NLRP2: variants seen among roughly 807,000 people sequenced by gnomAD.
NLRP2 encodes the protein NLR family pyrin domain containing 2.
NLRP2 carries 107 observed loss-of-function variants against 97.2 expected under a neutral mutation model. That is an observed-to-expected ratio of 1.10 (90% CI 0.94 to 1.29). The LOEUF (loss-of-function observed/expected upper bound fraction) is 1.29, where lower values mean the gene tolerates loss of function less well. Ranked by LOEUF, NLRP2 falls within the 50% of genes most tolerant of loss-of-function variation. The probability of loss-of-function intolerance (pLI) is 0.00; values close to 1 mark genes in which losing one functional copy is unlikely to be tolerated. For missense variants in NLRP2, 1,495 were observed against 1,330.3 expected, an observed-to-expected ratio of 1.12 and a Z score of -1.93; for synonymous variants, 663 against 551.5, an observed-to-expected ratio of 1.20 and a Z score of -2.83.
chr19:54,984,329 G>GTGTGTTGTTTTTTTTTT, intron 6 of NLRP2, among the ~76,000 whole-genome samples: 2 of 79,670 alleles, frequency 2.5e-5, no homozygotes, highest in Non-Finnish European at 5.0e-5. Context: ...TTTTTTTTGT[G>GTGTGTTGTTTTTTTTTT]TTTTTTTTTT....
Position 54,977,955 on chromosome 19 carries a change from T to C in NLRP2, c.397+132T>C, listed in dbSNP as rs1315806456. 29 of 838,546 alleles carry C rather than the reference T, an allele frequency of 3.5e-5. No homozygotes were observed. The East Asian group carries it at 7.6e-4, about 22-fold the overall frequency. 51.9% of individuals were successfully genotyped at this position (838,546 alleles called of 1,614,324 possible). On this transcript the variant is annotated intron_variant, in intron 4 of 12. Coordinates refer to ENST00000448584, the MANE Select transcript of NLRP2 (RefSeq NM_017852.5). ...CACTATTCTTAATGTGCCCACTGTC[T>C]CCTGGAGAATGCCAACCTCCCTTCC...
intron 8 of NLRP2, among the ~76,000 whole-genome samples, chr19:54,988,488 G>A (rs2146489121): frequency 6.6e-6 from 1 of 152,100 alleles, no homozygotes; most frequent in African/African-American, 2.4e-5. Context: ...AGTAGAGACA[G>A]GGTTACGCCA....
Position 54,983,428 on chromosome 19 carries a change from T to C in NLRP2, c.1730T>C (p.Met577Thr). 6.2e-7 allele frequency: 1 copy of C among 1,614,200 alleles called. No homozygotes were observed. Among genetic ancestry groups the C allele is most frequent in the Non-Finnish European group, 8.5e-7 (1 of 1,180,048 alleles). ...KELEATFGCR[M>T]SPDIKQELLR... Reference sequence around the variant, plus strand: ...TTGGAGGCCACTTTTGGCTGCCGGATGTCACCGGACATCAAACAGGAATTG... The same window carrying C: ...TTGGAGGCCACTTTTGGCTGCCGGACGTCACCGGACATCAAACAGGAATTG... The change falls in exon 6 of 13, where the codon ATG becomes ACG. Residue 577 changes from methionine (M) to threonine (T), a missense_variant. Met to Thr is a moderately conservative substitution (Grantham distance 81, BLOSUM62 -1). Coordinates refer to ENST00000448584, the MANE Select transcript of NLRP2 (RefSeq NM_017852.5).
rs1157138794 is a variant in NLRP2, at chr19:55,000,270, C to CTTTT, written c.3051-454_3051-451dup. The stretch of plus-strand genomic sequence containing the variant: ...CCAGCTTGGGCAACAGAGAGACTGT[C>CTTTT]TTTTTTTTTTTTTTTTTTTTTTTTT... On this transcript the variant is annotated intron_variant, in intron 12 of 12. Transcript: ENST00000448584. 2.5e-3 allele frequency among the ~76,000 whole-genome samples: 89 copies of CTTTT among 36,026 alleles called. 28 individuals are homozygous for CTTTT. Among genetic ancestry groups the CTTTT allele is most frequent in the African/African-American group, 3.2e-3 (29 of 9,048 alleles). 23.6% of individuals were successfully genotyped at this position (36,026 alleles called of 152,430 possible).
chr19:55,000,393 C>T (rs1467209188), intron 12 of NLRP2, among the ~76,000 whole-genome samples: 4 of 143,344 alleles, frequency 2.8e-5, no homozygotes, highest in African/African-American at 1.0e-4. Context: ...TCTCCTGCCT[C>T]AGCCTCCTGA....
intron 2 of NLRP2, among the ~76,000 whole-genome samples, chr19:54,972,031 A>G (rs1187043911): frequency 2.2e-5 from 3 of 136,828 alleles, no homozygotes; most frequent in Non-Finnish European, 3.1e-5. Flanking sequence ...CTAAATAGAG[A>G]TGGGGTTTCA....
intron 1 of NLRP2, among the ~76,000 whole-genome samples, chr19:54,968,024 T>C (rs269907): frequency 0.14 from 20,805 of 151,056 alleles, 1,870 homozygotes; most frequent in Non-Finnish European, 0.2. Context: ...GTTCAAGCAA[T>C]TCTCGTGCCT....
At chr19:54,976,560 T>G (rs2071240602) in intron 3 of NLRP2, among the ~76,000 whole-genome samples, 1 of 152,072 alleles carries the variant, frequency 6.6e-6, no homozygotes, top group Non-Finnish European at 1.5e-5. Context: ...TTGGCCAGGC[T>G]GGTCTCAAAC....
At position 54,983,106 on chromosome 19, in the gene NLRP2, C is replaced by A; in HGVS notation, c.1408C>A (p.Leu470Met). ...AQTSVLHRED[L>M]ERLGVQESDL... is the part of the protein sequence containing the mutation. Reference sequence around the variant, plus strand: ...GACGTCCGTGCTTCACCGAGAGGATCTGGAAAGGCTCGGGGTGCAGGAGTC... The same window carrying A: ...GACGTCCGTGCTTCACCGAGAGGATATGGAAAGGCTCGGGGTGCAGGAGTC... Residue 470 changes from leucine (L) to methionine (M), a missense_variant, in exon 6 of 13, where the codon CTG (leucine) becomes ATG (methionine). By Grantham distance (15) the Leu-to-Met change is conservative (BLOSUM62 2). Transcript: ENST00000448584. 6.2e-7 allele frequency: 1 copy of A among 1,613,620 alleles called. No homozygotes were observed. Among genetic ancestry groups the A allele is most frequent in the Non-Finnish European group, 8.5e-7 (1 of 1,179,994 alleles).
rs2146460253 is a variant in NLRP2 at position 54,985,073 on chromosome 19, C to T, written c.2057C>T (p.Pro686Leu). Residue 686 changes from proline (P) to leucine (L), a missense_variant, in exon 7 of 13, where the codon CCT becomes CTT. Coordinates refer to ENST00000448584, the MANE Select transcript of NLRP2 (RefSeq NM_017852.5). ...ERSQDDQHML[P>L]FWTDLCSIFG... is the part of the protein sequence containing the mutation. ...TCCCAGGATGATCAGCACATGCTTCCTTTCTGGACGGACCTTTGTTCCATA... is the reference window on the plus strand; with the variant it reads ...TCCCAGGATGATCAGCACATGCTTCTTTTCTGGACGGACCTTTGTTCCATA... 6.2e-7 allele frequency: 1 copy of T among 1,614,128 alleles called. No individual in the cohort carries two copies. Among genetic ancestry groups the T allele is most frequent in the Non-Finnish European group, 8.5e-7 (1 of 1,180,028 alleles).
rs539091172 is a variant in NLRP2 at position 54,996,122 on chromosome 19, T to C, written c.2880-1195T>C. ...TAGAGGAGCAAAAAGTTTGAGTTGCTGGTTGGCCCAGGAGGTCAAGGCTGC... is the reference window on the plus strand; with the variant it reads ...TAGAGGAGCAAAAAGTTTGAGTTGCCGGTTGGCCCAGGAGGTCAAGGCTGC... On this transcript the variant is annotated intron_variant, in intron 11 of 12. Transcript: ENST00000448584. Among the ~76,000 whole-genome samples the C allele has an allele frequency of 1.6e-4, 25 of 151,682 alleles. No homozygotes were observed. In the South Asian group the frequency reaches 5.2e-3, roughly 32 times the overall value.
At chr19:54,974,056 C>T (rs1466705535) in intron 2 of NLRP2, 1 of 1,106,090 alleles carries the variant, frequency 9.0e-7, no homozygotes, top group Non-Finnish European at 1.4e-6. Flanking sequence ...AGAATGCTGG[C>T]TATTAAAAGA....
rs368452689 is a variant in NLRP2 at position 54,982,837 on chromosome 19, G to C, written c.1139G>C (p.Arg380Pro). ...TTTGGAGACGAGGACCAAGCCATGC[G>C]TGCCTTTGAGCTAATGAGGAGCAAC... ...RHFGDEDQAM[R>P]AFELMRSNAA... The change falls in exon 6 of 13, where the codon CGT becomes CCT. Residue 380 changes from arginine to proline, a missense_variant. Coordinates refer to ENST00000448584, the MANE Select transcript of NLRP2 (RefSeq NM_017852.5). The C allele has an allele frequency of 3.1e-6, 5 of 1,613,538 alleles. No homozygotes were observed. The highest frequency in any genetic ancestry group is 3.5e-4 in the Middle Eastern group (2 of 5,660).
chr19:54,975,106 G>GTTTTTTTTTTTTTTTTT lies in NLRP2; in HGVS notation c.325+583_325+599dup, dbSNP rs558518586. On this transcript the variant is annotated intron_variant, in intron 3 of 12. Transcript: ENST00000448584. ...ATGAGCCACCACCACACCCGGTTTT[G>GTTTTTTTTTTTTTTTTT]TTTTTTTTTTTTTTTTTTTTTTTTT... is the stretch of plus-strand genomic sequence containing the variant. 1.4e-3 allele frequency among the ~76,000 whole-genome samples: 80 copies of GTTTTTTTTTTTTTTTTT among 58,702 alleles called. 9 individuals carry two copies. The highest frequency in any genetic ancestry group is 2.1e-3 in the Non-Finnish European group (62 of 28,944). The allele number at this position is 58,702 out of a possible 152,430, so 38.5% of individuals were successfully genotyped here.
chr19:55,000,193 C>G (rs1017524287), intron 12 of NLRP2, among the ~76,000 whole-genome samples: 1 of 143,638 alleles, frequency 7.0e-6, no homozygotes, highest in African/African-American at 2.6e-5. Flanking sequence ...GATAGGATGG[C>G]TTGAACCCAA....
intron 8 of NLRP2, chr19:54,986,521 C>T: frequency 1.7e-6 from 1 of 604,388 alleles, no homozygotes. Flanking sequence ...ACGTGAGGAC[C>T]CTGAATCCAA....
At chr19:54,992,340 C>T (rs550613074) in intron 10 of NLRP2, among the ~76,000 whole-genome samples, 1 of 151,972 alleles carries the variant, frequency 6.6e-6, no homozygotes, top group East Asian at 1.9e-4. Flanking sequence ...AATTTAATGA[C>T]ATATTCAGTT....
chr19:54,967,868 A>G (rs1189891775), intron 1 of NLRP2, among the ~76,000 whole-genome samples: 1 of 151,836 alleles, frequency 6.6e-6, no homozygotes, highest in East Asian at 1.9e-4. Context: ...CACAGCTATC[A>G]TATAAAGAGG....
intron 8 of NLRP2, among the ~76,000 whole-genome samples, chr19:54,989,027 G>A (rs942127697): frequency 2.6e-5 from 4 of 151,848 alleles, no homozygotes; most frequent in South Asian, 2.1e-4. Flanking sequence ...GAGTGATCTC[G>A]GCTTACTGCA....
Sources: allele counts gnomAD v4.1 joint callset (sites outside exome capture counted in the v4.1 genomes callset), GRCh38; gene constraint gnomAD v4.1.1; transcripts MANE v1.5; gene names NCBI Gene and HGNC (gene_info 2026-07-23, HGNC 2026-07-21).